Variants in SCARB2 observed in about 807,000 individuals in gnomAD.
The protein encoded by SCARB2 is scavenger receptor class B member 2.
Under a neutral mutation model 58.6 loss-of-function variants are expected in SCARB2, and 29 were observed. That is an observed-to-expected ratio of 0.49 (90% CI 0.37 to 0.67). The LOEUF is 0.67. SCARB2 is among the 30% of genes least tolerant of loss of function. The pLI, the probability that SCARB2 is intolerant of heterozygous loss-of-function variation, is 0.00. For missense variants in SCARB2, 488 were observed against 578.5 expected (o/e 0.84, Z 1.60); for synonymous variants, 195 against 210.1 (o/e 0.93, Z 0.62).
chr4:76,180,554 C>A, intron 3 of SCARB2: 1 of 156,332 alleles, frequency 6.4e-6, no homozygotes, highest in Non-Finnish European at 1.4e-5. Flanking sequence ...GTATAAAATC[C>A]AACATAAAAA....
chr4:76,170,380 AC>A (rs1732102636), intron 7 of SCARB2, among the ~76,000 whole-genome samples: 1 of 152,200 alleles, frequency 6.6e-6, no homozygotes, highest in African/African-American at 2.4e-5. Flanking sequence ...TACAAAATTT[AC>A]CCAGGGACAG....
At chr4:76,166,066 C>A in intron 10 of SCARB2, 184 bp downstream of exon 10, 1 of 696,074 alleles carries the variant, frequency 1.4e-6, no homozygotes, top group South Asian at 1.7e-5. Context: ...ATCATTTCTC[C>A]AAATCAGCTC....
Position 76,161,461 on chromosome 4 carries a change from A to C in SCARB2, c.*252T>G. On this transcript the variant is annotated 3_prime_UTR_variant, in exon 12 of 12. Transcript: ENST00000264896. ...CCCAACAACAACAAAATTACTATAC[A>C]AGGGTTTATTAAATACTTGCTAGAC... 5.4e-6 allele frequency: 3 copies of C among 555,198 alleles called. No homozygotes were observed. Among genetic ancestry groups the C allele is most frequent in the South Asian group, 4.2e-5 (2 of 48,044 alleles). 34.4% of individuals were successfully genotyped at this position (555,198 alleles called of 1,614,324 possible).
intron 6 of SCARB2, chr4:76,175,531 A>AAGTG: frequency 2.1e-6 from 1 of 481,788 alleles, no homozygotes; most frequent in East Asian, 4.0e-5. Context: ...CAAATAAGGA[A>AAGTG]AGTGAGGTAC....
At chr4:76,204,893 T>A (rs1285406849) in intron 1 of SCARB2, among the ~76,000 whole-genome samples, 1 of 152,176 alleles carries the variant, frequency 6.6e-6, no homozygotes, top group Admixed American at 6.5e-5. Context: ...AGAAGTACAG[T>A]GTTAAAAGAA....
chr4:76,165,554 T>C (rs549981647), intron 10 of SCARB2: 6 of 152,172 alleles, frequency 3.9e-5, no homozygotes, highest in Non-Finnish European at 7.3e-5. Flanking sequence ...AAAGTTGTTA[T>C]TGGAAAAAAT....
intron 2 of SCARB2, among the ~76,000 whole-genome samples, chr4:76,182,282 C>T (rs1732401370): frequency 6.6e-6 from 1 of 152,056 alleles, no homozygotes; most frequent in Non-Finnish European, 1.5e-5. Context: ...CTACTGAGTA[C>T]TTAAACTGTG....
At chr4:76,162,990 A>G in intron 11 of SCARB2, 1 of 615,240 alleles carries the variant, frequency 1.6e-6, no homozygotes, top group Non-Finnish European at 2.9e-6. Flanking sequence ...GATACATCCA[A>G]AGAGATTCTA....
intron 1 of SCARB2, among the ~76,000 whole-genome samples, chr4:76,220,045 A>G (rs1374356598): frequency 6.6e-6 from 1 of 152,236 alleles, no homozygotes; most frequent in Non-Finnish European, 1.5e-5. Flanking sequence ...AGCTATCTTA[A>G]GCAGAACTGT....
intron 2 of SCARB2, chr4:76,195,167 T>G (rs1201033969): frequency 2.0e-5 from 3 of 153,692 alleles, no homozygotes; most frequent in Non-Finnish European, 2.9e-5. Context: ...GCCCAGGAGT[T>G]CAAGACCAGC....
chr4:76,223,444 A>G (rs1733343508), intron 1 of SCARB2, among the ~76,000 whole-genome samples: 1 of 152,214 alleles, frequency 6.6e-6, no homozygotes. Context: ...CTGTGAGAAG[A>G]CAGCAGAATC....
intron 1 of SCARB2, among the ~76,000 whole-genome samples, chr4:76,225,260 T>C (rs564812034): frequency 6.6e-6 from 1 of 152,320 alleles, no homozygotes; most frequent in East Asian, 1.9e-4. Flanking sequence ...CATGTGCAAG[T>C]GTCTTTTTCA....
rs772754806 is a variant in SCARB2, at chr4:76,213,521, G to A, written c.23C>T (p.Thr8Met). Residue 8 changes from threonine to methionine, a missense_variant, in exon 1 of 12, where the codon ACG becomes ATG. Thr to Met is a moderately conservative substitution (Grantham distance 81, BLOSUM62 -1). Coordinates refer to ENST00000264896, the MANE Select transcript of SCARB2 (RefSeq NM_005506.4). The part of the protein sequence containing the change: MGRCCFY[T>M]AGTLSLLLLV... ...CAGGAGCAGGGACAACGTCCCCGCC[G>A]TGTAGAAGCAGCATCGGCCCATTCT... 3.1e-6 allele frequency: 5 copies of A among 1,610,352 alleles called. No individual in the cohort carries two copies. The highest frequency in any genetic ancestry group is 4.2e-6 in the Non-Finnish European group (5 of 1,178,534).
intron 1 of SCARB2, among the ~76,000 whole-genome samples, chr4:76,231,908 A>T (rs533347264): frequency 6.6e-6 from 1 of 152,360 alleles, no homozygotes; most frequent in South Asian, 2.1e-4. Flanking sequence ...CTGCAAGTCA[A>T]GATTGACTCC....
intron 1 of SCARB2, among the ~76,000 whole-genome samples, chr4:76,232,628 C>T (rs1733513459): frequency 6.6e-6 from 1 of 152,090 alleles, no homozygotes; most frequent in Admixed American, 6.6e-5. Context: ...ATTAATATTA[C>T]TCACAAAAAT....
intron 11 of SCARB2, chr4:76,162,573 C>T (rs1477719741): frequency 1.3e-5 from 2 of 154,844 alleles, no homozygotes; most frequent in East Asian, 3.8e-4. Flanking sequence ...ATGTTCCAAT[C>T]ATTTATTATG....
chr4:76,172,256 T>A (rs1732148414), intron 7 of SCARB2, among the ~76,000 whole-genome samples: 1 of 150,290 alleles, frequency 6.7e-6, no homozygotes, highest in Non-Finnish European at 1.5e-5. Flanking sequence ...TAAACAATTT[T>A]TTATATATAT....
chr4:76,223,143 A>C (rs1012154613), intron 1 of SCARB2, among the ~76,000 whole-genome samples: 1 of 152,196 alleles, frequency 6.6e-6, no homozygotes, highest in Non-Finnish European at 1.5e-5. Context: ...ATGTTTGTAC[A>C]CCATTCAGTA....
chr4:76,163,053 T>A, intron 11 of SCARB2, 172 bp downstream of exon 11: 1 of 760,194 alleles, frequency 1.3e-6, no homozygotes, highest in South Asian at 1.6e-5. Context: ...TTGACACACT[T>A]CCTTTGCTTC....
Sources: gnomAD v4.1 joint callset for allele counts (sites outside exome capture counted in the v4.1 genomes callset) on GRCh38, gnomAD v4.1.1 for gene constraint, MANE v1.5 for transcripts, NCBI Gene and HGNC (gene_info 2026-07-23, HGNC 2026-07-21) for gene names.